Variants in RDH10 observed in about 807,000 individuals in gnomAD.
RDH10 encodes retinol dehydrogenase 10, also known as retinol dehydrogenase 10 (all-trans).
A neutral mutation model predicts 30.2 loss-of-function variants in RDH10; 12 were observed. The observed-to-expected ratio is 0.40, with a 90% CI of 0.25 to 0.64. RDH10 has a LOEUF of 0.64. Ranked by LOEUF, RDH10 falls within the 30% of genes least tolerant of loss-of-function variation. RDH10 has a pLI of 0.43. For synonymous variants in RDH10, 189 were observed against 172.2 expected (o/e 1.10, Z -0.76); for missense variants, 268 against 445.2 (o/e 0.60, Z 3.58).
At position 73,301,582 on chromosome 8, in the gene RDH10, A is replaced by G. The variant is rs890902185; in HGVS notation, c.525+4153A>G. Among the ~76,000 whole-genome samples the G allele has an allele frequency of 2.6e-4, 34 of 132,336 alleles. 1 individual carries two copies. Among genetic ancestry groups the G allele is most frequent in the African/African-American group, 9.4e-4 (32 of 33,904 alleles). The allele number at this position is 132,336 out of a possible 152,430, so 86.8% of individuals were successfully genotyped here. On this transcript the variant is annotated intron_variant, in intron 2 of 5. Coordinates refer to ENST00000240285, the MANE Select transcript of RDH10 (RefSeq NM_172037.5). The stretch of plus-strand genomic sequence containing the variant: ...AGACCAGCCTGGTCAACATGGAGAA[A>G]CCCTGTCTCTACTAAAAATACAAAA...
At chr8:73,321,269 C>A (rs1345270927) in intron 4 of RDH10, among the ~76,000 whole-genome samples, 192 bp downstream of exon 4, 2 of 152,216 alleles carry the variant, frequency 1.3e-5, no homozygotes, top group Non-Finnish European at 2.9e-5. Flanking sequence ...CACACTGATA[C>A]TAATTTGCAG....
In RDH10 at chr8:73,312,541, A is replaced by C. The variant is rs1238896911; in HGVS notation, c.526-6555A>C. 2.6e-5 allele frequency: 4 copies of C among 152,288 alleles called. No individual in the cohort carries two copies. The East Asian group carries it at 7.7e-4, about 29-fold the overall frequency. 9.4% of individuals were successfully genotyped at this position (152,288 alleles called of 1,614,324 possible). On this transcript the variant is annotated intron_variant, in intron 2 of 5. Coordinates refer to ENST00000240285, the MANE Select transcript of RDH10 (RefSeq NM_172037.5). ...TTTTAGCCTTGTAAATAAGCAGGAGAGTGTTCCTTTGTGATTCTGATAAAG... is the reference window on the plus strand; with the variant it reads ...TTTTAGCCTTGTAAATAAGCAGGAGCGTGTTCCTTTGTGATTCTGATAAAG...
intron 2 of RDH10, among the ~76,000 whole-genome samples, chr8:73,307,130 T>G (rs1814477944): frequency 6.6e-6 from 1 of 152,228 alleles, no homozygotes; most frequent in African/African-American, 2.4e-5. Context: ...GTGTTGCGAT[T>G]TTTACTTATA....
intron 2 of RDH10, among the ~76,000 whole-genome samples, chr8:73,307,652 G>C (rs1054229743): frequency 1.3e-5 from 2 of 152,192 alleles, no homozygotes; most frequent in Non-Finnish European, 2.9e-5. Flanking sequence ...AGGGAAGGAA[G>C]AAACTAGGAC....
chr8:73,317,905 G>A (rs993499782), intron 2 of RDH10, among the ~76,000 whole-genome samples: 5 of 150,924 alleles, frequency 3.3e-5, no homozygotes, highest in South Asian at 4.2e-4. Flanking sequence ...GGGCAACACC[G>A]CAAAACCCTG....
intron 2 of RDH10, among the ~76,000 whole-genome samples, chr8:73,303,853 T>A (rs757906745): frequency 3.9e-4 from 60 of 152,186 alleles, no homozygotes; most frequent in Non-Finnish European, 7.8e-4. Flanking sequence ...TGATAAAATA[T>A]CACTTTACAT....
chr8:73,314,994 A>G (rs777024065), intron 2 of RDH10, among the ~76,000 whole-genome samples: 7 of 152,166 alleles, frequency 4.6e-5, no homozygotes, highest in Non-Finnish European at 7.3e-5. Context: ...TCATATTACA[A>G]CCAGCCAGCA....
At position 73,323,369 on chromosome 8, in the gene RDH10, T is replaced by C. The variant is rs1814801069; in HGVS notation, c.*333T>C. The stretch of plus-strand genomic sequence containing the variant: ...AATGATAACTAGACTGTATGTTTCA[T>C]GTGTGTGATTTTTCAGAATTCCCAG... On this transcript the variant is annotated 3_prime_UTR_variant, in exon 6 of 6. Coordinates refer to ENST00000240285, the MANE Select transcript of RDH10 (RefSeq NM_172037.5). The C allele has an allele frequency of 5.4e-6, 1 of 185,834 alleles. No individual in the cohort carries two copies. The highest frequency in any genetic ancestry group is 1.2e-5 in the Non-Finnish European group (1 of 86,200). The allele number at this position is 185,834 out of a possible 1,614,324, so 11.5% of individuals were successfully genotyped here.
At chr8:73,314,552 T>A (rs1814626811) in intron 2 of RDH10, among the ~76,000 whole-genome samples, 1 of 152,164 alleles carries the variant, frequency 6.6e-6, no homozygotes, top group Non-Finnish European at 1.5e-5. Flanking sequence ...AGCACAGGCT[T>A]AAAAGAAACC....
At chr8:73,305,673 T>G (rs953336391) in intron 2 of RDH10, among the ~76,000 whole-genome samples, 2 of 152,152 alleles carry the variant, frequency 1.3e-5, no homozygotes, top group Non-Finnish European at 2.9e-5. Flanking sequence ...ACCCAGGATG[T>G]TTTTGGACCC....
At chr8:73,303,602 A>G (rs1239564824) in intron 2 of RDH10, among the ~76,000 whole-genome samples, 1 of 152,244 alleles carries the variant, frequency 6.6e-6, no homozygotes, top group Non-Finnish European at 1.5e-5. Flanking sequence ...GAACTTTAGA[A>G]GTACTTTCAA....
rs1353584461 is a variant in RDH10, at chr8:73,319,128, G to A, written c.558G>A (p.Glu186=). 1.2e-6 allele frequency: 2 copies of A among 1,613,504 alleles called. No individual in the cohort carries two copies. The highest frequency in any genetic ancestry group is 1.7e-5 in the Admixed American group (1 of 59,972). Reference sequence around the variant, plus strand: ...AGGCTTTTCTTCCTACGATGCTGGAGATTAATCATGGTCATATTGTGACAG... The same window carrying A: ...AGGCTTTTCTTCCTACGATGCTGGAAATTAATCATGGTCATATTGTGACAG... ...TTKAFLPTML[E]INHGHIVTVA... The change falls in exon 3 of 6, where the codon GAG becomes GAA. Residue 186 remains glutamate, a synonymous_variant. Transcript: ENST00000240285.
chr8:73,301,102 G>A (rs1814366451), intron 2 of RDH10, among the ~76,000 whole-genome samples: 1 of 135,474 alleles, frequency 7.4e-6, no homozygotes, highest in Admixed American at 7.8e-5. Flanking sequence ...CCAGGCTGGA[G>A]TGCAGTGGCG....
rs1163777366 is a variant in RDH10 at position 73,323,339 on chromosome 8, C to G, written c.*303C>G. ...CATTATTTTTTAATGAGCAGGAAGT[C>G]TAGAAATGATAACTAGACTGTATGT... On this transcript the variant is annotated 3_prime_UTR_variant, in exon 6 of 6. Transcript: ENST00000240285. The G allele has an allele frequency of 1.5e-5, 4 of 258,760 alleles. No homozygotes were observed. The highest frequency in any genetic ancestry group is 2.3e-5 in the Non-Finnish European group (3 of 129,028). The allele number at this position is 258,760 out of a possible 1,614,324, so 16.0% of individuals were successfully genotyped here.
rs1296737962 is a variant in RDH10, at chr8:73,295,147, C to T, written c.-143C>T. 9.8e-6 allele frequency: 7 copies of T among 716,706 alleles called. No individual in the cohort carries two copies. Among genetic ancestry groups the T allele is most frequent in the African/African-American group, 3.8e-5 (2 of 52,586 alleles). The allele number at this position is 716,706 out of a possible 1,614,324, so 44.4% of individuals were successfully genotyped here. ...AGCGGCGCCGCGCACTCCAACCCGG[C>T]GGGCACCTCGGGGGCGGGCGCGGGG... On this transcript the variant is annotated 5_prime_UTR_variant, in exon 1 of 6. Coordinates refer to ENST00000240285, the MANE Select transcript of RDH10 (RefSeq NM_172037.5).
rs1814724136 is a variant in RDH10 at position 73,319,213 on chromosome 8, A to AT, written c.624+22dup. ...AGTTGAGGTTTGTCAGATATATAGC[A>AT]TTTCTTTCGTTCAATCTGTTTATCC... On this transcript the variant is annotated intron_variant, in intron 3 of 5. Coordinates refer to ENST00000240285, the MANE Select transcript of RDH10 (RefSeq NM_172037.5). 6.5e-7 allele frequency: 1 copy of AT among 1,537,956 alleles called. No individual in the cohort carries two copies. The highest frequency in any genetic ancestry group is 1.1e-5 in the South Asian group (1 of 88,854).
At chr8:73,299,014 A>G (rs1478063115) in intron 2 of RDH10, among the ~76,000 whole-genome samples, 1 of 151,832 alleles carries the variant, frequency 6.6e-6, no homozygotes, top group African/African-American at 2.4e-5. Flanking sequence ...GGGTTGCACC[A>G]TGTTGATCAG....
In RDH10 at chr8:73,324,135, G is replaced by A. The variant is rs4738320; in HGVS notation, c.*1099G>A. On this transcript the variant is annotated 3_prime_UTR_variant, in exon 6 of 6. Coordinates refer to ENST00000240285, the MANE Select transcript of RDH10 (RefSeq NM_172037.5). ...TAGAATACATAGCAGCTCTGCAAAG[G>A]AACAGTTTTTAAAAATGGGAACTTC... The A allele has an allele frequency of 0.79, 120,733 of 152,588 alleles. 47,841 individuals carry two copies. Among genetic ancestry groups the A allele is most frequent in the South Asian group, 0.92 (4,420 of 4,830 alleles). The allele number at this position is 152,588 out of a possible 1,614,324, so 9.5% of individuals were successfully genotyped here.
chr8:73,306,235 C>T (rs940722739), intron 2 of RDH10, among the ~76,000 whole-genome samples: 10 of 152,260 alleles, frequency 6.6e-5, no homozygotes, highest in Non-Finnish European at 2.9e-5. Context: ...TTCCAGTCAC[C>T]TGCATCCCTG....
Sources: gnomAD v4.1 joint callset for allele counts (sites outside exome capture counted in the v4.1 genomes callset) on GRCh38, gnomAD v4.1.1 for gene constraint, MANE v1.5 for transcripts, NCBI Gene and HGNC (gene_info 2026-07-23, HGNC 2026-07-21) for gene names.